KLHL3: variants seen among roughly 807,000 people sequenced by gnomAD.
KLHL3 encodes kelch-like protein 3.
In KLHL3, 19 loss-of-function variants were observed where a neutral mutation model predicts 70.5. That is an observed-to-expected ratio of 0.27 (90% confidence interval 0.19 to 0.40). The LOEUF is 0.40. Ranked by LOEUF, KLHL3 falls within the 10% of genes least tolerant of loss-of-function variation. The pLI, the probability that KLHL3 is intolerant of heterozygous loss-of-function variation, is 1.00. For missense variants in KLHL3, 512 were observed against 771.1 expected, an observed-to-expected ratio of 0.66 and a Z score of 3.98; for synonymous variants, 258 against 290.3, an observed-to-expected ratio of 0.89 and a Z score of 1.13.
chr5:137,720,061 G>A (rs1236338126), intron 2 of KLHL3, among the ~76,000 whole-genome samples: 1 of 152,124 alleles, frequency 6.6e-6, no homozygotes, highest in East Asian at 1.9e-4. Context: ...CAGCACTTTG[G>A]GAGGCTGAGG....
intron 6 of KLHL3, chr5:137,673,841 G>GAAC (rs2149905061): frequency 6.9e-6 from 1 of 145,114 alleles, no homozygotes; most frequent in South Asian, 2.1e-4. Context: ...GATGCTGGAA[G>GAAC]AACAGTCTCT....
chr5:137,651,041 T>A (rs1751188250), intron 8 of KLHL3, among the ~76,000 whole-genome samples: 1 of 152,178 alleles, frequency 6.6e-6, no homozygotes, highest in Non-Finnish European at 1.5e-5. Context: ...GGATATAAAG[T>A]AGGATATAAA....
intron 12 of KLHL3, among the ~76,000 whole-genome samples, chr5:137,633,484 G>T (rs574284319): frequency 2.0e-5 from 3 of 151,842 alleles, no homozygotes; most frequent in East Asian, 3.9e-4. Flanking sequence ...CAAAGGAAAA[G>T]AAATCATTAT....
At chr5:137,688,181 A>G (rs1232539605) in intron 5 of KLHL3, among the ~76,000 whole-genome samples, 80 of 7,376 alleles carry the variant, frequency 0.011, 33 homozygotes, top group Non-Finnish European at 0.017. Flanking sequence ...ATAAAATAAA[A>G]TAAAATAAAA....
At chr5:137,658,368 C>T in intron 7 of KLHL3, 88 bp from the exon 8 acceptor site, 1 of 1,208,392 alleles carries the variant, frequency 8.3e-7, no homozygotes, top group South Asian at 1.2e-5. Context: ...TTCCTGCACT[C>T]CCACACTCAT....
chr5:137,636,860 C>A (rs536942040), intron 11 of KLHL3, among the ~76,000 whole-genome samples: 104 of 152,282 alleles, frequency 6.8e-4, no homozygotes, highest in African/African-American at 2.4e-3. Context: ...AGAAGAGGTG[C>A]CTACCTCACT....
intron 11 of KLHL3, among the ~76,000 whole-genome samples, chr5:137,635,688 A>G (rs1440624829): frequency 6.6e-6 from 1 of 151,752 alleles, no homozygotes; most frequent in Non-Finnish European, 1.5e-5. Context: ...TTCTCACCAC[A>G]GCTGTAAATT....
chr5:137,663,656 C>T (rs1206600250), intron 6 of KLHL3, among the ~76,000 whole-genome samples: 8 of 152,044 alleles, frequency 5.3e-5, no homozygotes, highest in South Asian at 2.1e-4. Context: ...TTTTGCTTTT[C>T]GCAACTTTAT....
rs987295616 is a variant in KLHL3 at position 137,652,855 on chromosome 5, T to C, written c.903+5276A>G. On this transcript the variant is annotated intron_variant, in intron 8 of 14. Coordinates refer to ENST00000309755, the MANE Select transcript of KLHL3 (RefSeq NM_017415.3). ...AAATAAGTATATGATGTAATACATA[T>C]GTTAATTAGCTAAATTTAGCCATTC... 7.2e-5 allele frequency among the ~76,000 whole-genome samples: 11 copies of C among 152,354 alleles called. No individual in the cohort carries two copies. In the East Asian group the frequency reaches 1.2e-3, roughly 16 times the overall value.
At chr5:137,681,270 C>A (rs1480558210) in intron 5 of KLHL3, among the ~76,000 whole-genome samples, 1 of 152,106 alleles carries the variant, frequency 6.6e-6, no homozygotes, top group African/African-American at 2.4e-5. Flanking sequence ...CTAGATAACT[C>A]TTAACGTATG....
chr5:137,724,503 C>T (rs1049211837), intron 1 of KLHL3, among the ~76,000 whole-genome samples: 1 of 152,176 alleles, frequency 6.6e-6, no homozygotes, highest in Non-Finnish European at 1.5e-5. Flanking sequence ...CACAGATTGC[C>T]TATTATCAGA....
intron 6 of KLHL3, among the ~76,000 whole-genome samples, chr5:137,676,800 T>C (rs1751894284): frequency 6.6e-6 from 1 of 152,218 alleles, no homozygotes; most frequent in Admixed American, 6.5e-5. Context: ...TGGCCAACAC[T>C]GAAGCTTATG....
chr5:137,691,641 C>T (rs1319252443), intron 5 of KLHL3, among the ~76,000 whole-genome samples: 2 of 150,448 alleles, frequency 1.3e-5, no homozygotes, highest in Admixed American at 1.3e-4. Flanking sequence ...GATGGAGTCT[C>T]GCTCTGTCAC....
At chr5:137,665,648 TACA>T (rs1433828942) in intron 6 of KLHL3, among the ~76,000 whole-genome samples, 1 of 152,172 alleles carries the variant, frequency 6.6e-6, no homozygotes, top group Admixed American at 6.5e-5. Context: ...GGAAAAAAAC[TACA>T]ACAAAATTTA....
At chr5:137,670,522 T>C (rs1751728119) in intron 6 of KLHL3, among the ~76,000 whole-genome samples, 1 of 150,056 alleles carries the variant, frequency 6.7e-6, no homozygotes, top group African/African-American at 2.5e-5. Flanking sequence ...AAGAAACACA[T>C]CATACTGTAT....
At chr5:137,713,281 A>C (rs1176063172) in intron 2 of KLHL3, among the ~76,000 whole-genome samples, 2 of 152,138 alleles carry the variant, frequency 1.3e-5, no homozygotes, top group Non-Finnish European at 2.9e-5. Context: ...CCTGGACAAC[A>C]TAATGAAACC....
rs185102076 is a variant in KLHL3, at chr5:137,637,849, G to A, written c.1220-454C>T. On this transcript the variant is annotated intron_variant, in intron 10 of 14. Coordinates refer to ENST00000309755, the MANE Select transcript of KLHL3 (RefSeq NM_017415.3). ...CAATGAGACCTAAGCAGAAGTCTAC[G>A]GGGATTTCAGAAACAGCCTTTGCTT... Among the ~76,000 whole-genome samples the A allele has an allele frequency of 1.5e-4, 23 of 152,290 alleles. No homozygotes were observed. The East Asian group carries it at 3.7e-3, about 24-fold the overall frequency.
rs569283972 is a variant in KLHL3 at position 137,689,028 on chromosome 5, A to G, written c.526+3257T>C. On this transcript the variant is annotated intron_variant, in intron 5 of 14. Transcript: ENST00000309755. ...GATAGTGAAAGGGGCAAAGGAGAAA[A>G]CACAGACGTTGAAAGTTGGGAAAAG... Among the ~76,000 whole-genome samples, 5 of 152,360 alleles carry G rather than the reference A, an allele frequency of 3.3e-5. No individual in the cohort carries two copies. In the East Asian group the frequency reaches 9.6e-4, roughly 29 times the overall value.
intron 3 of KLHL3, among the ~76,000 whole-genome samples, chr5:137,701,151 G>T (rs1323042984): frequency 6.6e-6 from 1 of 152,040 alleles, no homozygotes. Flanking sequence ...TCCTACCTCA[G>T]CCTCCCGAGT....
Sources: gnomAD v4.1 joint callset for allele counts (sites outside exome capture counted in the v4.1 genomes callset) on GRCh38, gnomAD v4.1.1 for gene constraint, MANE v1.5 for transcripts, NCBI Gene and HGNC (gene_info 2026-07-23, HGNC 2026-07-21) for gene names.